Variants in RNF123 observed in about 807,000 individuals in gnomAD.
The protein encoded by RNF123 is ring finger protein 123.
Under a neutral mutation model 168.5 loss-of-function variants are expected in RNF123, and 86 were observed. The observed-to-expected ratio is 0.51, with a 90% CI of 0.43 to 0.61. RNF123 has a LOEUF of 0.61. RNF123 is among the 20% of genes least tolerant of loss of function. The pLI is 0.00. For synonymous variants in RNF123, 666 were observed against 689.1 expected (o/e 0.97, Z 0.52); for missense variants, 1,419 against 1,729.7 (o/e 0.82, Z 3.19).
chr3:49,704,629 C>T (rs966400270), intron 21 of RNF123, 21 bp from the exon 22 acceptor site: 2 of 1,596,752 alleles, frequency 1.3e-6, no homozygotes, highest in African/African-American at 2.7e-5. Context: ...GGCCTGAGAA[C>T]CCTCCTGCTC....
intron 1 of RNF123, among the ~76,000 whole-genome samples, 175 bp from the exon 2 acceptor site, chr3:49,690,955 C>T (rs536544898): frequency 6.6e-6 from 1 of 152,300 alleles, no homozygotes; most frequent in South Asian, 2.1e-4. Flanking sequence ...GGGCCTAGAC[C>T]CTGGCTACCC....
Position 49,699,064 on chromosome 3 carries a change from C to G in RNF123, c.723C>G (p.Phe241Leu), listed in dbSNP as rs1365570995. Residue 241 changes from phenylalanine (F) to leucine (L), a missense_variant, in exon 10 of 39, where the codon TTC becomes TTG. Coordinates refer to ENST00000327697, the MANE Select transcript of RNF123 (RefSeq NM_022064.5). The surrounding 1 kb of genome is among the most constrained non-coding windows in gnomAD (Gnocchi z 4.8). ...MAYFPAISLS[F>L]KESVAFNFGS... Reference sequence around the variant, plus strand: ...ACTTCCCAGCCATCAGCCTCTCTTTCAAGGAGTCCGTGGCCTTCAACTTTG... The same window carrying G: ...ACTTCCCAGCCATCAGCCTCTCTTTGAAGGAGTCCGTGGCCTTCAACTTTG... 1 of 1,613,790 alleles carries G rather than the reference C, an allele frequency of 6.2e-7. No homozygotes were observed. Among genetic ancestry groups the G allele is most frequent in the Non-Finnish European group, 8.5e-7 (1 of 1,180,046 alleles).
chr3:49,700,144 T>A, intron 12 of RNF123, 83 bp from the exon 13 acceptor site: 1 of 1,575,704 alleles, frequency 6.3e-7, no homozygotes, highest in South Asian at 1.1e-5. Context: ...GCCTGAGGCT[T>A]GTGCCTTGGC....
chr3:49,709,953 T>C (rs1160934305), intron 26 of RNF123, among the ~76,000 whole-genome samples: 2 of 152,152 alleles, frequency 1.3e-5, no homozygotes, highest in Non-Finnish European at 2.9e-5. Context: ...CAGTAGTGCA[T>C]GAGGGTTCCA....
Position 49,698,484 on chromosome 3 carries a change from C to T in RNF123, c.528C>T (p.Asn176=), listed in dbSNP as rs1559672760. ...ACAACTCCTATGCCTATGATGGCAA[C>T]CGCGTGCGCAAGTGGAATGTGACCA... ...DTHNSYAYDG[N]RVRKWNVTTT... The change falls in exon 8 of 39, where the codon AAC becomes AAT. Residue 176 remains asparagine, a synonymous_variant. Transcript: ENST00000327697. 1 of 1,613,980 alleles carries T rather than the reference C, an allele frequency of 6.2e-7. No individual in the cohort carries two copies. Among genetic ancestry groups the T allele is most frequent in the Non-Finnish European group, 8.5e-7 (1 of 1,180,030 alleles).
rs2054530294 is a variant in RNF123, at chr3:49,706,904, C to T, written c.2496+6C>T. 1 of 1,612,624 alleles carries T rather than the reference C, an allele frequency of 6.2e-7. No individual in the cohort carries two copies. Among genetic ancestry groups the T allele is most frequent in the African/African-American group, 1.3e-5 (1 of 75,036 alleles). On this transcript the variant is annotated splice_donor_region_variant and intron_variant, in intron 26 of 38. Transcript: ENST00000327697. Reference sequence around the variant, plus strand: ...ATGCCACTGTCTACTCCCAGGTGTGCTGGTATTGCAGCTGCCCCTTCCCGA... The same window carrying T: ...ATGCCACTGTCTACTCCCAGGTGTGTTGGTATTGCAGCTGCCCCTTCCCGA...
intron 31 of RNF123, 190 bp from the exon 32 acceptor site, chr3:49,715,385 G>A: frequency 1.5e-6 from 1 of 665,672 alleles, no homozygotes; most frequent in Non-Finnish European, 2.5e-6. Context: ...CTAGTAGAAG[G>A]AGGGGACAGA....
intron 35 of RNF123, chr3:49,719,438 G>GTGTC (rs1467581485): frequency 1.2e-6 from 2 of 1,613,428 alleles, no homozygotes; most frequent in Admixed American, 3.3e-5. Context: ...ATGCAGAGCA[G>GTGTC]TGTCCCCAGC....
At chr3:49,697,275 G>A (rs926460218) in intron 4 of RNF123, 53 bp downstream of exon 4, 21 of 1,597,792 alleles carry the variant, frequency 1.3e-5, no homozygotes, top group East Asian at 4.5e-5. Context: ...GGGACGTAGC[G>A]GGCCTGGAGA....
At chr3:49,693,347 C>CT (rs35938648) in intron 3 of RNF123, among the ~76,000 whole-genome samples, 445 of 34,160 alleles carry the variant, frequency 0.013, 137 homozygotes, top group African/African-American at 0.037. Flanking sequence ...TGTGCCTGGC[C>CT]TTTTTTTTTT....
intron 35 of RNF123, chr3:49,719,716 C>T: frequency 4.4e-6 from 2 of 457,800 alleles, no homozygotes; most frequent in South Asian, 4.0e-5. Context: ...CCTAAATACT[C>T]CCCCCAGGGG....
At position 49,713,548 on chromosome 3, in the gene RNF123, C is replaced by T. The variant is rs772550444; in HGVS notation, c.2710C>T (p.Leu904Phe). The change falls in exon 28 of 39, where the codon CTC (leucine) becomes TTC (phenylalanine). Residue 904 changes from leucine to phenylalanine, a missense_variant. Leu to Phe is a conservative substitution (Grantham distance 22, BLOSUM62 0). Transcript: ENST00000327697. ...GACCCTGACCCGCCTGGCTGCCATT[C>T]TCGCCAAACACTTTGCCGACGCACG... ...EETLTRLAAILAKHFADARIV... is the reference protein window; with the variant it reads ...EETLTRLAAIFAKHFADARIV... The T allele has an allele frequency of 1.9e-6, 3 of 1,612,664 alleles. No homozygotes were observed. Among genetic ancestry groups the T allele is most frequent in the Non-Finnish European group, 2.5e-6 (3 of 1,179,430 alleles).
intron 26 of RNF123, among the ~76,000 whole-genome samples, chr3:49,708,531 A>G (rs1182196279): frequency 6.6e-6 from 1 of 152,124 alleles, no homozygotes; most frequent in Non-Finnish European, 1.5e-5. Flanking sequence ...CCTTACTTCC[A>G]TGTCATGAGG....
At position 49,704,772 on chromosome 3, in the gene RNF123, C is replaced by A; in HGVS notation, c.1959+16C>A. The A allele has an allele frequency of 6.4e-7, 1 of 1,557,912 alleles. No individual in the cohort carries two copies. The highest frequency in any genetic ancestry group is 1.2e-5 in the South Asian group (1 of 85,082). On this transcript the variant is annotated intron_variant, in intron 22 of 38. Transcript: ENST00000327697. ...TATGGCCCAGGTGCCGCAGTGGGGG[C>A]AGGCGGTGGGATTTGTGTTGGGCTT...
At chr3:49,707,665 C>G (rs1051091998) in intron 26 of RNF123, among the ~76,000 whole-genome samples, 3 of 152,164 alleles carry the variant, frequency 2.0e-5, no homozygotes, top group Admixed American at 2.0e-4. Context: ...TGATCGAGGC[C>G]TTTGGTATCC....
In RNF123 at chr3:49,705,063, G is replaced by A. The variant is rs745851137; in HGVS notation, c.2039G>A (p.Arg680Gln). The change falls in exon 23 of 39, where the codon CGA becomes CAA. Residue 680 changes from arginine (R) to glutamine (Q), a missense_variant. This residue lies in a region of RNF123 where 538 missense variants were observed against 708.8 expected (regional missense o/e 0.76). Transcript: ENST00000327697. ...PGWLSSPTLG[R>Q]ANRFLSTAAV... The stretch of plus-strand genomic sequence containing the variant: ...TGGCTCAGTTCTCCAACTTTGGGCC[G>A]AGCCAACCGCTTCCTCAGCACAGCG... 93 of 1,611,492 alleles carry A rather than the reference G, an allele frequency of 5.8e-5. No individual in the cohort carries two copies. Among genetic ancestry groups the A allele is most frequent in the Middle Eastern group, 1.8e-4 (1 of 5,684 alleles).
chr3:49,713,050 A>C, intron 27 of RNF123: 1 of 650,668 alleles, frequency 1.5e-6, no homozygotes. Context: ...AAATCACAGC[A>C]GGGGGTGGAC....
intron 29 of RNF123, 41 bp downstream of exon 29, chr3:49,713,866 C>T: frequency 1.9e-6 from 3 of 1,613,210 alleles, no homozygotes; most frequent in Non-Finnish European, 2.5e-6. Flanking sequence ...GCCACAAGCA[C>T]CATGCCCAGC....
intron 24 of RNF123, 104 bp downstream of exon 24, chr3:49,705,783 C>T (rs982218691): frequency 3.2e-6 from 5 of 1,552,660 alleles, no homozygotes; most frequent in Non-Finnish European, 4.4e-6. Flanking sequence ...CTGTTCAAGA[C>T]CGTGCATGGG....
Sources: gnomAD v4.1 joint callset for allele counts (sites outside exome capture counted in the v4.1 genomes callset) on GRCh38, gnomAD v4.1.1 for gene constraint, gnomAD v4.1.1 regional missense constraint, Gnocchi (gnomAD v3.1) non-coding constraint, MANE v1.5 for transcripts, NCBI Gene and HGNC (gene_info 2026-07-23, HGNC 2026-07-21) for gene names.